Variants in INSL6 observed in about 807,000 individuals in gnomAD.
INSL6 encodes the protein insulin-like peptide INSL6.
Under a neutral mutation model 9.4 loss-of-function variants are expected in INSL6, and 16 were observed. That is an observed-to-expected ratio of 1.70 (90% CI 1.15 to 2.59). INSL6 has a LOEUF of 2.59. INSL6 is among the 30% of genes most tolerant of loss of function. INSL6 has a pLI of 0.00. For missense variants in INSL6, 391 were observed against 257.3 expected, an observed-to-expected ratio of 1.52 and a Z score of -3.56; for synonymous variants, 154 against 96.9, an observed-to-expected ratio of 1.59 and a Z score of -3.46.
chr9:5,010,829 T>C, the INSL6 span, among the ~76,000 whole-genome samples: 199 of 152,296 alleles, frequency 1.3e-3, 6 homozygotes, highest in South Asian at 0.04. Context: ...TGAAAACATA[T>C]TTGTTTTGCC....
downstream of INSL6, among the ~76,000 whole-genome samples, chr9:5,120,635 T>C (rs10974966): frequency 1.4e-4 from 21 of 152,242 alleles, 1 homozygote; most frequent in East Asian, 1.2e-3. Context: ...GAAGTACCCA[T>C]TGGATGATCT....
chr9:5,018,840 C>G, the INSL6 span, among the ~76,000 whole-genome samples: 1 of 151,976 alleles, frequency 6.6e-6, no homozygotes, highest in Non-Finnish European at 1.5e-5. Context: ...TCGTTCCATT[C>G]TCTTCCTGGC....
the INSL6 span, among the ~76,000 whole-genome samples, chr9:4,999,120 C>T: frequency 1.3e-5 from 2 of 152,034 alleles, no homozygotes; most frequent in African/African-American, 4.8e-5. Context: ...CCACCGCACC[C>T]GGGCTCAGGA....
At chr9:4,999,354 A>G in the INSL6 span, among the ~76,000 whole-genome samples, 2 of 152,180 alleles carry the variant, frequency 1.3e-5, no homozygotes, top group Non-Finnish European at 1.5e-5. Context: ...TACTGTTTTA[A>G]TAGGCAGTAG....
At chr9:5,152,905 G>A (rs1033795709) in intron 2 of INSL6, among the ~76,000 whole-genome samples, 5 of 152,188 alleles carry the variant, frequency 3.3e-5, no homozygotes, top group Non-Finnish European at 7.3e-5. Context: ...AGGGCGAGCT[G>A]AAGCACAGTG....
At chr9:5,078,293 TTAACTC>T in the INSL6 span, 4 of 1,607,544 alleles carry the variant, frequency 2.5e-6, no homozygotes, top group African/African-American at 4.0e-5. Flanking sequence ...ATATGTGCGT[TTAACTC>T]TAATAGGAAG....
intron 1 of INSL6, among the ~76,000 whole-genome samples, chr9:5,165,683 T>C (rs77848890): frequency 0.015 from 2,339 of 152,274 alleles, 43 homozygotes; most frequent in African/African-American, 0.049. Flanking sequence ...TATAAAGAAA[T>C]AGAGAAGTGG....
At chr9:5,039,210 TAAAATTGTA>T in the INSL6 span, among the ~76,000 whole-genome samples, 3 of 152,136 alleles carry the variant, frequency 2.0e-5, no homozygotes, top group East Asian at 3.9e-4. Context: ...AAATAAGAAG[TAAAATTGTA>T]GTCATCCCGC....
At chr9:5,041,279 G>T in the INSL6 span, 2 of 1,082,346 alleles carry the variant, frequency 1.8e-6, no homozygotes, top group Admixed American at 1.9e-5. Context: ...GCTGGCCAAG[G>T]GGTACACTGG....
At chr9:5,115,931 T>G in the INSL6 span, among the ~76,000 whole-genome samples, 2 of 152,036 alleles carry the variant, frequency 1.3e-5, no homozygotes, top group Non-Finnish European at 2.9e-5. Flanking sequence ...AGGGGAGGGA[T>G]AGCTTTAAGA....
At chr9:5,092,270 A>G in the INSL6 span, among the ~76,000 whole-genome samples, 1 of 152,122 alleles carries the variant, frequency 6.6e-6, no homozygotes, top group African/African-American at 2.4e-5. Flanking sequence ...GAGGTTGAAT[A>G]AGGCCACGAA....
chr9:5,060,940 C>T, the INSL6 span, among the ~76,000 whole-genome samples: 3 of 152,204 alleles, frequency 2.0e-5, no homozygotes, highest in Non-Finnish European at 4.4e-5. Flanking sequence ...GATGTTGTGT[C>T]ACCAGGTCTG....
downstream of INSL6, among the ~76,000 whole-genome samples, chr9:5,119,750 A>G (rs187306202): frequency 5.3e-4 from 81 of 152,212 alleles, no homozygotes; most frequent in Admixed American, 8.5e-4. Context: ...TATGAAAATC[A>G]GAAATAACTT....
At chr9:5,109,411 T>C in the INSL6 span, 2 of 152,170 alleles carry the variant, frequency 1.3e-5, no homozygotes, top group Admixed American at 1.3e-4. Context: ...CCTAACAATA[T>C]GGCTTTCTCA....
chr9:5,041,078 C>T, the INSL6 span: 2 of 694,142 alleles, frequency 2.9e-6, no homozygotes, highest in South Asian at 3.0e-5. Context: ...AGGTCTACTA[C>T]CTACTACAGC....
chr9:5,073,556 G>A, the INSL6 span: 1 of 658,772 alleles, frequency 1.5e-6, no homozygotes, highest in South Asian at 1.8e-5. Context: ...TCCATATAAA[G>A]GGACCAAAGC....
At chr9:5,054,670 G>T in the INSL6 span, 1 of 1,613,244 alleles carries the variant, frequency 6.2e-7, no homozygotes, top group Non-Finnish European at 8.5e-7. The surrounding 1 kb of genome is among the most constrained non-coding windows in gnomAD (Gnocchi z 4.9). Context: ...CAGCAATTCA[G>T]CCAATGCAAA....
At chr9:4,995,261 A>C in the INSL6 span, among the ~76,000 whole-genome samples, 7 of 152,180 alleles carry the variant, frequency 4.6e-5, no homozygotes, top group Non-Finnish European at 1.0e-4. Context: ...TCTTATACTA[A>C]GGAAGATAGC....
the INSL6 span, among the ~76,000 whole-genome samples, chr9:5,008,536 AG>A: frequency 6.6e-6 from 1 of 152,196 alleles, no homozygotes; most frequent in Non-Finnish European, 1.5e-5. Flanking sequence ...AGCAGCACTA[AG>A]GGCCCATTTG....
Sources: allele counts gnomAD v4.1 joint callset (sites outside exome capture counted in the v4.1 genomes callset), GRCh38; gene constraint gnomAD v4.1.1; non-coding constraint Gnocchi (gnomAD v3.1); transcripts MANE v1.5; gene names NCBI Gene and HGNC (gene_info 2026-07-23, HGNC 2026-07-21).